Variants in ADGRB3 observed in about 807,000 individuals in gnomAD.
ADGRB3 encodes the protein brain-specific angiogenesis inhibitor 3.
ADGRB3 carries 37 observed loss-of-function variants against 193.4 expected under a neutral mutation model. That is an observed-to-expected ratio of 0.19 (90% CI 0.15 to 0.25). The LOEUF (loss-of-function observed/expected upper bound fraction) is 0.25, where lower values mean the gene tolerates loss of function less well. Among genes scored for constraint, ADGRB3 ranks in the 10% least tolerant of loss-of-function variants. The probability of loss-of-function intolerance (pLI) is 1.00; values close to 1 mark genes in which losing one functional copy is unlikely to be tolerated. For missense variants in ADGRB3, 1,637 were observed against 1,852.9 expected, an observed-to-expected ratio of 0.88 and a Z score of 2.14; for synonymous variants, 690 against 644.2, an observed-to-expected ratio of 1.07 and a Z score of -1.08.
intron 3 of ADGRB3, among the ~76,000 whole-genome samples, chr6:68,693,954 A>G (rs1198203526): frequency 6.6e-6 from 1 of 152,040 alleles, no homozygotes. Flanking sequence ...TCATAAAACT[A>G]AGTAATGCAA....
chr6:69,084,312 C>G (rs1196755197), intron 17 of ADGRB3, among the ~76,000 whole-genome samples: 1 of 152,088 alleles, frequency 6.6e-6, no homozygotes, highest in East Asian at 1.9e-4. Flanking sequence ...CCAAAGAGAT[C>G]TTTATTTATT....
At chr6:68,936,244 T>C (rs915396958) in intron 4 of ADGRB3, among the ~76,000 whole-genome samples, 6 of 152,154 alleles carry the variant, frequency 3.9e-5, no homozygotes, top group Non-Finnish European at 8.8e-5. Context: ...CATTGAAAAA[T>C]GCTCATTAGT....
intron 3 of ADGRB3, among the ~76,000 whole-genome samples, chr6:68,811,075 GATAT>G (rs140401590): frequency 5.3e-5 from 8 of 150,012 alleles, no homozygotes; most frequent in African/African-American, 1.7e-4. Flanking sequence ...TTTATGAGGA[GATAT>G]ATATATATAT....
intron 15 of ADGRB3, 42 bp from the exon 16 acceptor site, chr6:69,062,892 C>T: frequency 7.0e-7 from 1 of 1,419,610 alleles, no homozygotes; most frequent in Non-Finnish European, 9.9e-7. Flanking sequence ...TTATACTTTT[C>T]AGCACTCATT....
chr6:68,945,031 G>A (rs1259107385), intron 6 of ADGRB3, among the ~76,000 whole-genome samples: 1 of 152,050 alleles, frequency 6.6e-6, no homozygotes, highest in Non-Finnish European at 1.5e-5. Flanking sequence ...ATACCCCCAA[G>A]TTAATGTCCT....
intron 3 of ADGRB3, among the ~76,000 whole-genome samples, chr6:68,684,972 A>C (rs1469453230): frequency 6.6e-6 from 1 of 152,068 alleles, no homozygotes; most frequent in Non-Finnish European, 1.5e-5. Flanking sequence ...CTCAACCCTA[A>C]ATATTGGTAC....
At chr6:68,819,339 C>T (rs985214122) in intron 3 of ADGRB3, among the ~76,000 whole-genome samples, 3 of 151,912 alleles carry the variant, frequency 2.0e-5, no homozygotes, top group Admixed American at 2.0e-4. Context: ...TGTTTTATGG[C>T]ACCTTTCCAC....
intron 13 of ADGRB3, among the ~76,000 whole-genome samples, chr6:69,031,541 C>CT (rs1378492628): frequency 4.9e-5 from 3 of 60,878 alleles, no homozygotes; most frequent in South Asian, 2.2e-3. Context: ...TTCTTTCTTT[C>CT]TTTCTTTCTT....
intron 17 of ADGRB3, chr6:69,232,663 A>C (rs1766168969): frequency 1.3e-6 from 2 of 1,520,314 alleles, no homozygotes; most frequent in Non-Finnish European, 1.8e-6. Context: ...GATACCAGGC[A>C]AAGGCAATGA....
At chr6:69,223,955 C>G (rs1765954192) in intron 17 of ADGRB3, among the ~76,000 whole-genome samples, 1 of 151,672 alleles carries the variant, frequency 6.6e-6, no homozygotes, top group Admixed American at 6.6e-5. Flanking sequence ...TTGCACTTGG[C>G]CTTTTTCTTT....
rs538493669 is a variant in ADGRB3 at position 69,125,800 on chromosome 6, A to G, written c.2480+49762A>G. ...TCTGTAATGCTTTTTTAAAAACAACATTGCTTACCTCCCACTTTGAAGGCA... is the reference window on the plus strand; with the variant it reads ...TCTGTAATGCTTTTTTAAAAACAACGTTGCTTACCTCCCACTTTGAAGGCA... On this transcript the variant is annotated intron_variant, in intron 17 of 31. Transcript: ENST00000370598. 5.3e-5 allele frequency among the ~76,000 whole-genome samples: 8 copies of G among 152,250 alleles called. No homozygotes were observed. The East Asian group carries it at 1.5e-3, about 29-fold the overall frequency.
At chr6:69,193,031 G>A (rs375962251) in intron 17 of ADGRB3, among the ~76,000 whole-genome samples, 1 of 152,020 alleles carries the variant, frequency 6.6e-6, no homozygotes, top group East Asian at 1.9e-4. Flanking sequence ...TCAATATCAC[G>A]AGTCCTAAAC....
intron 11 of ADGRB3, among the ~76,000 whole-genome samples, chr6:69,011,220 A>G (rs1371225109): frequency 6.6e-6 from 1 of 151,644 alleles, no homozygotes; most frequent in Non-Finnish European, 1.5e-5. Context: ...CAGCTGAAAG[A>G]AATGGTGCTA....
At chr6:69,277,027 C>T (rs1161881224) in intron 20 of ADGRB3, among the ~76,000 whole-genome samples, 2 of 146,526 alleles carry the variant, frequency 1.4e-5, no homozygotes, top group East Asian at 2.0e-4. Flanking sequence ...GATGGAGTCT[C>T]GCTCTGTCAC....
rs370044732 is a variant in ADGRB3 at position 68,916,778 on chromosome 6, C to T, written c.758-13781C>T. Among the ~76,000 whole-genome samples the T allele has an allele frequency of 6.6e-5, 10 of 152,056 alleles. No homozygotes were observed. The East Asian group carries it at 7.7e-4, about 12-fold the overall frequency. ...AAATGAGCTATGCATGTTGCAGAAACGAAAAGGAGGCCAGTATGGTTAGAG... is the reference window on the plus strand; with the variant it reads ...AAATGAGCTATGCATGTTGCAGAAATGAAAAGGAGGCCAGTATGGTTAGAG... On this transcript the variant is annotated intron_variant, in intron 3 of 31. Coordinates refer to ENST00000370598, the MANE Select transcript of ADGRB3 (RefSeq NM_001704.3).
intron 20 of ADGRB3, among the ~76,000 whole-genome samples, chr6:69,288,593 A>G (rs1265700556): frequency 1.3e-5 from 2 of 152,134 alleles, no homozygotes; most frequent in East Asian, 3.8e-4. Flanking sequence ...AACTCTTTTT[A>G]TATTGTTACA....
intron 17 of ADGRB3, among the ~76,000 whole-genome samples, chr6:69,170,398 T>A (rs1648270913): frequency 2.0e-5 from 3 of 152,174 alleles, no homozygotes; most frequent in African/African-American, 7.2e-5. Context: ...AAAGCTTTCT[T>A]GGCCCTTGCT....
chr6:69,027,353 G>T (rs1562127234), intron 13 of ADGRB3, among the ~76,000 whole-genome samples: 2 of 152,052 alleles, frequency 1.3e-5, no homozygotes, highest in South Asian at 4.1e-4. Flanking sequence ...GAAATAACAT[G>T]CATGGAGCTG....
At chr6:68,757,152 C>T (rs954933765) in intron 3 of ADGRB3, among the ~76,000 whole-genome samples, 1 of 152,070 alleles carries the variant, frequency 6.6e-6, no homozygotes, top group Non-Finnish European at 1.5e-5. Context: ...GTTCTTTTCT[C>T]TATCAGGAGC....
Sources: allele counts gnomAD v4.1 joint callset (sites outside exome capture counted in the v4.1 genomes callset), GRCh38; gene constraint gnomAD v4.1.1; transcripts MANE v1.5; gene names NCBI Gene and HGNC (gene_info 2026-07-23, HGNC 2026-07-21).